The following DLG2 variants were observed in gnomAD, a reference collection of about 807,000 sequenced individuals.
The protein encoded by DLG2 is discs large MAGUK scaffold protein 2, also known as disks large homolog 2.
A neutral mutation model predicts 132.5 loss-of-function variants in DLG2; 45 were observed. The observed-to-expected ratio is 0.34, with a 90% confidence interval of 0.27 to 0.44. The LOEUF (loss-of-function observed/expected upper bound fraction) is 0.44. Ranked by LOEUF, DLG2 falls within the 20% of genes least tolerant of loss-of-function variation. The probability of loss-of-function intolerance (pLI) is 1.00; values close to 1 mark genes in which losing one functional copy is unlikely to be tolerated. For synonymous variants in DLG2, 424 were observed against 419.6 expected (o/e 1.01, Z -0.13); for missense variants, 1,045 against 1,196.9 (o/e 0.87, Z 1.87).
At chr11:83,683,605 T>G (rs569219994) in intron 18 of DLG2, among the ~76,000 whole-genome samples, 45 of 152,314 alleles carry the variant, frequency 3.0e-4, no homozygotes, top group African/African-American at 1.0e-3. Context: ...CAGATTGTTT[T>G]ATCTGTAAAA....
intron 8 of DLG2, among the ~76,000 whole-genome samples, chr11:84,173,538 A>T (rs1383235353): frequency 6.6e-6 from 1 of 152,172 alleles, no homozygotes. Flanking sequence ...GGAAATAAAA[A>T]CTGGGTGCTA....
chr11:84,704,257 G>A (rs1258960405), intron 6 of DLG2, among the ~76,000 whole-genome samples: 2 of 151,376 alleles, frequency 1.3e-5, no homozygotes, highest in Admixed American at 6.6e-5. Flanking sequence ...GTTCACAGAT[G>A]CTGATTCTTA....
intron 4 of DLG2, among the ~76,000 whole-genome samples, chr11:85,222,116 TTTTGTTTG>T (rs760445905): frequency 7.9e-5 from 12 of 152,012 alleles, no homozygotes; most frequent in Admixed American, 2.6e-4. Context: ...CATTTCGGTT[TTTTGTTTG>T]TTTGTTTGTT....
intron 19 of DLG2, among the ~76,000 whole-genome samples, chr11:83,563,315 C>T (rs548582519): frequency 6.6e-6 from 1 of 152,238 alleles, no homozygotes; most frequent in African/African-American, 2.4e-5. Context: ...TCTGAAACTT[C>T]TAAATTAAAC....
At chr11:83,808,646 C>T (rs908214929) in intron 17 of DLG2, among the ~76,000 whole-genome samples, 2 of 152,116 alleles carry the variant, frequency 1.3e-5, no homozygotes, top group African/African-American at 4.8e-5. Flanking sequence ...TTCTTTAAAT[C>T]ATCATCCTCT....
chr11:85,243,815 C>G (rs1001426555), intron 4 of DLG2, among the ~76,000 whole-genome samples: 10 of 151,946 alleles, frequency 6.6e-5, no homozygotes, highest in African/African-American at 2.4e-4. Context: ...TAAATATTAT[C>G]CTTAATTCTA....
intron 8 of DLG2, among the ~76,000 whole-genome samples, chr11:84,167,921 C>T (rs2095708913): frequency 6.6e-6 from 1 of 152,202 alleles, no homozygotes; most frequent in Admixed American, 6.5e-5. Context: ...CCACCTTGGC[C>T]TCCCAAAGTG....
chr11:84,888,790 G>T (rs2088802284), intron 6 of DLG2, among the ~76,000 whole-genome samples: 1 of 152,024 alleles, frequency 6.6e-6, no homozygotes, highest in Non-Finnish European at 1.5e-5. Flanking sequence ...AACCCATGTT[G>T]GCTGGTTCTG....
At chr11:85,049,448 A>ATTGAGGAATTC (rs199974848) in intron 6 of DLG2, among the ~76,000 whole-genome samples, 8,507 of 152,114 alleles carry the variant, frequency 0.056, 331 homozygotes, top group Non-Finnish European at 0.08. Flanking sequence ...TCATTAGATA[A>ATTGAGGAATTC]AAATTCCTCA....
intron 8 of DLG2, among the ~76,000 whole-genome samples, chr11:84,174,013 C>CATTTTTTT (rs2095881719): frequency 2.7e-4 from 3 of 11,314 alleles, no homozygotes; most frequent in Admixed American, 1.2e-3. Flanking sequence ...CACCCCCCGG[C>CATTTTTTT]CTTTTTTTTT....
rs538379052 is a variant in DLG2, at chr11:85,277,151, G to A, written c.186+8069C>T. ...CAGTAAAGATTATGCTAAGGAGATG[G>A]CACAATAATCTGTAAAAAATGAAGA... On this transcript the variant is annotated intron_variant, in intron 4 of 27. Transcript: ENST00000376104. Among the ~76,000 whole-genome samples, 6 of 152,198 alleles carry A rather than the reference G, an allele frequency of 3.9e-5. No individual in the cohort carries two copies. The East Asian group carries it at 1.2e-3, about 29-fold the overall frequency.
Position 84,534,630 on chromosome 11 carries a change from G to T in DLG2, c.459C>A (p.Asn153Lys), listed in dbSNP as rs756338000. 1 of 1,614,038 alleles carries T rather than the reference G, an allele frequency of 6.2e-7. No homozygotes were observed. Among genetic ancestry groups the T allele is most frequent in the South Asian group, 1.1e-5 (1 of 91,082 alleles). ...GPELVHVSEKNLSQIENVHGY... is the reference protein window; with the variant it reads ...GPELVHVSEKKLSQIENVHGY... ...CATGGACATTTTCTATTTGAGAGAG[G>T]TTCTTTTCTGATACATGCACGAGTT... The change falls in exon 7 of 28, where the codon AAC becomes AAA. Residue 153 changes from asparagine (N) to lysine (K), a missense_variant. Asn to Lys is a moderately conservative substitution (Grantham distance 94, BLOSUM62 0). Transcript: ENST00000376104.
intron 11 of DLG2, among the ~76,000 whole-genome samples, chr11:83,999,471 T>C (rs1359926981): frequency 6.6e-6 from 1 of 152,010 alleles, no homozygotes; most frequent in South Asian, 2.1e-4. Flanking sequence ...CATGCCAAGT[T>C]CCCAGGGGCC....
intron 17 of DLG2, among the ~76,000 whole-genome samples, chr11:83,827,694 C>T (rs960808801): frequency 6.6e-6 from 1 of 151,900 alleles, no homozygotes; most frequent in Non-Finnish European, 1.5e-5. Flanking sequence ...AGGAAATAAT[C>T]TCTTTCTAGG....
intron 14 of DLG2, among the ~76,000 whole-genome samples, chr11:83,950,817 GT>G (rs2085227585): frequency 6.6e-6 from 1 of 152,108 alleles, no homozygotes; most frequent in Non-Finnish European, 1.5e-5. Context: ...TGACTCATCA[GT>G]CTGGATTAGA....
chr11:84,898,438 T>C (rs1214852965), intron 6 of DLG2, among the ~76,000 whole-genome samples: 4 of 152,012 alleles, frequency 2.6e-5, no homozygotes, highest in Non-Finnish European at 4.4e-5. Context: ...GAAAGAGTAC[T>C]CAAAGCCTCC....
At chr11:85,427,969 T>A (rs1165927528) in intron 3 of DLG2, among the ~76,000 whole-genome samples, 1 of 151,936 alleles carries the variant, frequency 6.6e-6, no homozygotes, top group Non-Finnish European at 1.5e-5. Context: ...AAGGCAGAGG[T>A]TGCAATCCTA....
intron 7 of DLG2, among the ~76,000 whole-genome samples, chr11:84,411,427 C>A (rs1465428009): frequency 6.6e-6 from 1 of 152,126 alleles, no homozygotes; most frequent in African/African-American, 2.4e-5. Context: ...AAATGGGCAG[C>A]AACATTTATG....
intron 4 of DLG2, among the ~76,000 whole-genome samples, chr11:85,182,039 GAAAT>G (rs1310420998): frequency 6.6e-6 from 1 of 151,976 alleles, no homozygotes; most frequent in Non-Finnish European, 1.5e-5. Context: ...TAATGAGTGA[GAAAT>G]AAATAGTTTT....
Sources: gnomAD v4.1 joint callset for allele counts (sites outside exome capture counted in the v4.1 genomes callset) on GRCh38, gnomAD v4.1.1 for gene constraint, MANE v1.5 for transcripts, NCBI Gene and HGNC (gene_info 2026-07-23, HGNC 2026-07-21) for gene names.